The following GRM8 variants were observed in gnomAD, a reference collection of about 807,000 sequenced individuals.
GRM8 encodes the protein glutamate metabotropic receptor 8, also known as metabotropic glutamate receptor 8.
In GRM8, 47 loss-of-function variants were observed where a neutral mutation model predicts 87.2. That is an observed-to-expected ratio of 0.54 (90% CI 0.43 to 0.69). The LOEUF is 0.69. Ranked by LOEUF, GRM8 falls within the 30% of genes least tolerant of loss-of-function variation. GRM8 has a pLI of 0.00. For missense variants in GRM8, 1,019 were observed against 1,139.2 expected, an observed-to-expected ratio of 0.89 and a Z score of 1.52; for synonymous variants, 396 against 404.5, an observed-to-expected ratio of 0.98 and a Z score of 0.25.
intron 3 of GRM8, among the ~76,000 whole-genome samples, chr7:126,955,812 G>A (rs562992819): frequency 3.5e-4 from 54 of 152,210 alleles, no homozygotes; most frequent in African/African-American, 4.8e-4. Flanking sequence ...TGTGGATCTC[G>A]ATAGGAGTTT....
At chr7:126,669,339 A>AG (rs536171429) in intron 7 of GRM8, among the ~76,000 whole-genome samples, 21 of 152,142 alleles carry the variant, frequency 1.4e-4, no homozygotes, top group Non-Finnish European at 2.5e-4. Context: ...AAAATTAAAA[A>AG]TTTTTAAAAA....
chr7:127,247,234 T>C (rs555699087), intron 1 of GRM8, among the ~76,000 whole-genome samples: 4 of 152,252 alleles, frequency 2.6e-5, no homozygotes, highest in African/African-American at 9.6e-5. Context: ...CCTGGCCAGG[T>C]TGATGTCAAG....
intron 3 of GRM8, among the ~76,000 whole-genome samples, chr7:126,909,764 T>C (rs1803099607): frequency 6.6e-6 from 1 of 152,192 alleles, no homozygotes. Flanking sequence ...ACACCATCTC[T>C]ATTCCTAATG....
chr7:126,524,527 A>ATT (rs1489292441), intron 9 of GRM8, among the ~76,000 whole-genome samples: 1 of 151,942 alleles, frequency 6.6e-6, no homozygotes, highest in Non-Finnish European at 1.5e-5. Flanking sequence ...CATTTTTTCA[A>ATT]TTTTAAGAAT....
intron 7 of GRM8, among the ~76,000 whole-genome samples, chr7:126,752,382 C>T (rs2151546033): frequency 6.6e-6 from 1 of 152,190 alleles, no homozygotes; most frequent in Middle Eastern, 3.4e-3. Flanking sequence ...CTATACTTTC[C>T]AGAAGCTTCA....
At chr7:126,743,475 C>A (rs1815256317) in intron 7 of GRM8, among the ~76,000 whole-genome samples, 1 of 152,060 alleles carries the variant, frequency 6.6e-6, no homozygotes, top group Admixed American at 6.6e-5. Context: ...ATATTTCAAT[C>A]ACAATCCTAT....
At chr7:126,475,735 A>G (rs1406780645) in intron 9 of GRM8, among the ~76,000 whole-genome samples, 5 of 152,192 alleles carry the variant, frequency 3.3e-5, no homozygotes, top group Non-Finnish European at 7.3e-5. Flanking sequence ...AAGCTATAGT[A>G]ATCAAAACAG....
chr7:127,212,381 G>T (rs1796260952), intron 2 of GRM8, among the ~76,000 whole-genome samples: 1 of 148,996 alleles, frequency 6.7e-6, no homozygotes, highest in Non-Finnish European at 1.5e-5. Context: ...CAGCTTTTGT[G>T]CTATATGAGC....
At chr7:127,148,388 C>A (rs559982637) in intron 2 of GRM8, among the ~76,000 whole-genome samples, 1 of 151,544 alleles carries the variant, frequency 6.6e-6, no homozygotes, top group Admixed American at 6.6e-5. Flanking sequence ...GACTTCAATA[C>A]CCCACTTTCA....
At chr7:126,458,807 ACCAAATATCATC>A (rs1803558685) in intron 9 of GRM8, among the ~76,000 whole-genome samples, 1 of 151,242 alleles carries the variant, frequency 6.6e-6, no homozygotes, top group Non-Finnish European at 1.5e-5. Context: ...TTATTTGGAA[ACCAAATATCATC>A]CCTGTAAGTA....
chr7:127,057,413 AAAC>A (rs1259224045), intron 3 of GRM8, among the ~76,000 whole-genome samples: 1 of 152,178 alleles, frequency 6.6e-6, no homozygotes, highest in African/African-American at 2.4e-5. Context: ...CATTTGTTCC[AAAC>A]AACATTTGCA....
At chr7:127,169,650 A>T (rs1315284986) in intron 2 of GRM8, among the ~76,000 whole-genome samples, 4 of 152,212 alleles carry the variant, frequency 2.6e-5, no homozygotes, top group Non-Finnish European at 5.9e-5. Context: ...TTGGCTTCAA[A>T]GTTTCAAAAG....
At chr7:127,148,090 A>G (rs1310580542) in intron 2 of GRM8, among the ~76,000 whole-genome samples, 1 of 152,058 alleles carries the variant, frequency 6.6e-6, no homozygotes, top group Non-Finnish European at 1.5e-5. Context: ...AGTGATTTGT[A>G]GACATGATAA....
chr7:127,009,497 A>G (rs1814659700), intron 3 of GRM8, among the ~76,000 whole-genome samples: 1 of 152,156 alleles, frequency 6.6e-6, no homozygotes, highest in Non-Finnish European at 1.5e-5. Context: ...TGACTCAGTA[A>G]GTGGTACCTC....
chr7:126,522,266 C>T (rs1813097105), intron 9 of GRM8, among the ~76,000 whole-genome samples: 1 of 152,120 alleles, frequency 6.6e-6, no homozygotes, highest in African/African-American at 2.4e-5. Context: ...ATGTCAAACC[C>T]CCAATATTTC....
rs193044825 is a variant in GRM8, at chr7:126,629,302, C to T, written c.1358-19804G>A. 1.5e-3 allele frequency among the ~76,000 whole-genome samples: 229 copies of T among 152,272 alleles called. 2 individuals carry two copies. Among genetic ancestry groups the T allele is most frequent in the Admixed American group, 5.4e-3 (82 of 15,282 alleles). On this transcript the variant is annotated intron_variant, in intron 7 of 10. Transcript: ENST00000339582. ...AACTATAACTGTGTGGGATTAGAATCGCATTACATTTTTAAGCCAAAAAGC... is the reference window on the plus strand; with the variant it reads ...AACTATAACTGTGTGGGATTAGAATTGCATTACATTTTTAAGCCAAAAAGC...
At chr7:126,704,349 T>C (rs1245615098) in intron 7 of GRM8, among the ~76,000 whole-genome samples, 1 of 152,180 alleles carries the variant, frequency 6.6e-6, no homozygotes, top group African/African-American at 2.4e-5. Flanking sequence ...CCCATCATTT[T>C]CATAAATTGA....
chr7:126,503,281 C>T (rs1355640688), intron 9 of GRM8, among the ~76,000 whole-genome samples: 1 of 152,056 alleles, frequency 6.6e-6, no homozygotes, highest in Non-Finnish European at 1.5e-5. Flanking sequence ...TGCCAGAGTA[C>T]ACAAATATAA....
At position 127,160,500 on chromosome 7, in the gene GRM8, TGTGTAAGG is replaced by T. The variant is rs1366386358; in HGVS notation, c.511-53796_511-53789del. On this transcript the variant is annotated intron_variant, in intron 2 of 10. Coordinates refer to ENST00000339582, the MANE Select transcript of GRM8 (RefSeq NM_000845.3). ...GATTCCAGAGCAGAGCAGGGCGGCCTGTGTAAGGGTGTAAGGAGGCTCCATCACGCGCG... is the reference window on the plus strand; with the variant it reads ...GATTCCAGAGCAGAGCAGGGCGGCCTGTGTAAGGAGGCTCCATCACGCGCG... 5.3e-5 allele frequency among the ~76,000 whole-genome samples: 8 copies of T among 151,260 alleles called. 1 individual carries two copies. In the East Asian group the frequency reaches 5.8e-4, roughly 11 times the overall value.
Sources: allele counts gnomAD v4.1 joint callset (sites outside exome capture counted in the v4.1 genomes callset), GRCh38; gene constraint gnomAD v4.1.1; transcripts MANE v1.5; gene names NCBI Gene and HGNC (gene_info 2026-07-23, HGNC 2026-07-21).